PDK1: variants seen among roughly 807,000 people sequenced by gnomAD.
PDK1 encodes pyruvate dehydrogenase kinase 1, also known as [Pyruvate dehydrogenase (acetyl-transferring)] kinase isozyme 1, mitochondrial.
PDK1 carries 39 observed loss-of-function variants against 54.2 expected under a neutral mutation model. The observed-to-expected ratio is 0.72, with a 90% CI of 0.56 to 0.94. The LOEUF is 0.94. PDK1 is among the 40% of genes least tolerant of loss of function. The pLI, the probability that PDK1 is intolerant of heterozygous loss-of-function variation, is 0.00. For missense variants in PDK1, 552 were observed against 566.0 expected (o/e 0.98, Z 0.25); for synonymous variants, 221 against 207.1 (o/e 1.07, Z -0.58).
chr2:172,628,377 G>T, the PDK1 span, among the ~76,000 whole-genome samples: 3 of 152,152 alleles, frequency 2.0e-5, no homozygotes, highest in Non-Finnish European at 4.4e-5. Context: ...TCTATAACAG[G>T]TTTGAGGGTT....
downstream of PDK1, among the ~76,000 whole-genome samples, chr2:172,611,077 G>A (rs553623531): frequency 6.1e-5 from 9 of 147,842 alleles, no homozygotes; most frequent in African/African-American, 1.8e-4. Flanking sequence ...TGGGGTTTTG[G>A]TAGCGTATAA....
chr2:172,631,486 A>G, the PDK1 span, among the ~76,000 whole-genome samples: 1 of 152,234 alleles, frequency 6.6e-6, no homozygotes, highest in Non-Finnish European at 1.5e-5. Flanking sequence ...GGACAGCAAT[A>G]TATATACTCA....
chr2:172,682,388 T>A, the PDK1 span, among the ~76,000 whole-genome samples: 2 of 152,150 alleles, frequency 1.3e-5, no homozygotes, highest in Non-Finnish European at 2.9e-5. Context: ...GGCAGACGAG[T>A]GACCTGATCT....
At chr2:172,613,398 G>A (rs1255868146), downstream of PDK1, among the ~76,000 whole-genome samples, 5 of 152,194 alleles carry the variant, frequency 3.3e-5, no homozygotes, top group Admixed American at 6.5e-5. Flanking sequence ...GACTTTAGAA[G>A]AAATGCTGGA....
rs1691165315 is a variant in PDK1 at position 172,603,018 on chromosome 2, C to T, written c.*7049C>T. ...TAAGGTTAAATCTTTGTAAGCAATG[C>T]TCCTGATGCGAATCACCTGGAGATC... On this transcript the variant is annotated 3_prime_UTR_variant, in exon 11 of 11. Coordinates refer to ENST00000282077, the MANE Select transcript of PDK1 (RefSeq NM_002610.5). The T allele has an allele frequency of 6.6e-6, 1 of 152,198 alleles. No homozygotes were observed. The highest frequency in any genetic ancestry group is 6.5e-5 in the Admixed American group (1 of 15,284). The allele number at this position is 152,198 out of a possible 1,614,324, so 9.4% of individuals were successfully genotyped here. A position where few individuals can be genotyped will look rare whatever the true frequency, so the allele number is the denominator to read the frequency against.
At chr2:172,644,901 C>T in the PDK1 span, among the ~76,000 whole-genome samples, 2 of 148,264 alleles carry the variant, frequency 1.3e-5, no homozygotes, top group Non-Finnish European at 3.0e-5. Context: ...TGACCCTAAA[C>T]AAATTACTTA....
chr2:172,660,381 C>T, the PDK1 span, among the ~76,000 whole-genome samples: 1 of 150,330 alleles, frequency 6.7e-6, no homozygotes, highest in Non-Finnish European at 1.5e-5. Context: ...CTCAGCCTCC[C>T]TAGTAGCTGG....
chr2:172,645,721 C>T, the PDK1 span, among the ~76,000 whole-genome samples: 10 of 152,292 alleles, frequency 6.6e-5, no homozygotes, highest in Non-Finnish European at 7.4e-5. Context: ...GTCATCATAG[C>T]CATAGAGACT....
chr2:172,636,021 A>T, the PDK1 span, among the ~76,000 whole-genome samples: 1 of 152,192 alleles, frequency 6.6e-6, no homozygotes, highest in Non-Finnish European at 1.5e-5. Context: ...TTGCGGCCCC[A>T]CATGGCGTGG....
chr2:172,683,638 T>C, the PDK1 span, among the ~76,000 whole-genome samples: 1 of 152,186 alleles, frequency 6.6e-6, no homozygotes, highest in African/African-American at 2.4e-5. Flanking sequence ...GGATGTTAAT[T>C]TGGAGTGAGT....
chr2:172,576,739 G>T (rs1013635820), intron 8 of PDK1, among the ~76,000 whole-genome samples: 3 of 152,036 alleles, frequency 2.0e-5, no homozygotes, highest in African/African-American at 7.2e-5. Context: ...TAATAGGATT[G>T]TGTTGTTTAA....
chr2:172,561,886 G>T (rs756769790), intron 2 of PDK1, among the ~76,000 whole-genome samples: 39 of 152,028 alleles, frequency 2.6e-4, no homozygotes, highest in Non-Finnish European at 4.6e-4. Flanking sequence ...ATAGTTACTG[G>T]TGACAGATCT....
chr2:172,658,492 A>T, the PDK1 span, among the ~76,000 whole-genome samples: 4 of 152,202 alleles, frequency 2.6e-5, no homozygotes, highest in Non-Finnish European at 5.9e-5. Context: ...CTTGAAAAAG[A>T]ACAGAATAAC....
chr2:172,681,942 G>T, the PDK1 span, among the ~76,000 whole-genome samples: 1 of 152,170 alleles, frequency 6.6e-6, no homozygotes, highest in Non-Finnish European at 1.5e-5. Context: ...ATTTTTAGTA[G>T]AGACAGGATT....
chr2:172,705,221 C>G, the PDK1 span, among the ~76,000 whole-genome samples: 2 of 152,110 alleles, frequency 1.3e-5, no homozygotes, highest in Non-Finnish European at 1.5e-5. Flanking sequence ...GGGATGTATC[C>G]TTCAAAAATA....
At chr2:172,610,331 T>C (rs1003218293), downstream of PDK1, among the ~76,000 whole-genome samples, 1 of 152,150 alleles carries the variant, frequency 6.6e-6, no homozygotes, top group Non-Finnish European at 1.5e-5. Flanking sequence ...CCAGTATGTT[T>C]AGGCACTGCC....
chr2:172,689,055 G>C, the PDK1 span, among the ~76,000 whole-genome samples: 8 of 152,206 alleles, frequency 5.3e-5, no homozygotes, highest in Admixed American at 2.0e-4. Context: ...ACCCGAGTGT[G>C]TTGCCACTGC....
At chr2:172,566,536 G>C (rs11902922) in intron 5 of PDK1, among the ~76,000 whole-genome samples, 2,380 of 151,812 alleles carry the variant, frequency 0.016, 65 homozygotes, top group African/African-American at 0.055. Context: ...CAGCCTGGTT[G>C]ATCGAGACTC....
the PDK1 span, among the ~76,000 whole-genome samples, chr2:172,629,343 C>T: frequency 1.3e-5 from 2 of 152,152 alleles, no homozygotes; most frequent in African/African-American, 4.8e-5. Context: ...CCATCCTGTA[C>T]CCATGAAAAC....
Sources: allele counts gnomAD v4.1 joint callset (sites outside exome capture counted in the v4.1 genomes callset), GRCh38; gene constraint gnomAD v4.1.1; transcripts MANE v1.5; gene names NCBI Gene and HGNC (gene_info 2026-07-23, HGNC 2026-07-21).